The following KIAA1549L variants were observed in gnomAD, a reference collection of about 807,000 sequenced individuals.
KIAA1549L encodes UPF0606 protein KIAA1549L.
A neutral mutation model predicts 160.7 loss-of-function variants in KIAA1549L; 88 were observed. The observed-to-expected ratio is 0.55, with a 90% CI of 0.46 to 0.65. The LOEUF (loss-of-function observed/expected upper bound fraction) is 0.65. Ranked by LOEUF, KIAA1549L falls within the 30% of genes least tolerant of loss-of-function variation. The pLI is 0.00. For synonymous variants in KIAA1549L, 950 were observed against 976.7 expected, an observed-to-expected ratio of 0.97 and a Z score of 0.51; for missense variants, 2,258 against 2,437.5, an observed-to-expected ratio of 0.93 and a Z score of 1.55.
intron 6 of KIAA1549L, among the ~76,000 whole-genome samples, chr11:33,556,841 G>A (rs150546415): frequency 3.9e-5 from 6 of 152,220 alleles, no homozygotes; most frequent in African/African-American, 9.6e-5. Context: ...GCCACTGAAC[G>A]ATACACTTAA....
chr11:33,377,143 A>G (rs1465996935), intron 1 of KIAA1549L, among the ~76,000 whole-genome samples: 1 of 152,174 alleles, frequency 6.6e-6, no homozygotes, highest in African/African-American at 2.4e-5. Context: ...GGCACGCTTT[A>G]TTTAGAGAAA....
intron 1 of KIAA1549L, among the ~76,000 whole-genome samples, chr11:33,483,349 G>A (rs951770900): frequency 3.9e-5 from 6 of 152,174 alleles, no homozygotes; most frequent in Non-Finnish European, 8.8e-5. Flanking sequence ...GCGCCCTTTG[G>A]GAAGGCGAAC....
rs138644774 is a variant in KIAA1549L, at chr11:33,551,315, C to T, written c.3721+56C>T. 2,668 of 1,430,266 alleles carry T rather than the reference C, an allele frequency of 1.9e-3. 8 individuals carry two copies. Among genetic ancestry groups the T allele is most frequent in the Non-Finnish European group, 1.7e-3 (1,775 of 1,028,348 alleles). 88.6% of individuals were successfully genotyped at this position (1,430,266 alleles called of 1,614,324 possible). A position where few individuals can be genotyped will look rare whatever the true frequency, so the allele number is the denominator to read the frequency against. ...CCATTCTTGGGTTCAGGGCCAGTAC[C>T]AAGTGGACACCTGTTTAAAAGCTCC... On this transcript the variant is annotated intron_variant, in intron 5 of 20. Transcript: ENST00000658780.
intron 1 of KIAA1549L, among the ~76,000 whole-genome samples, chr11:33,452,514 A>G (rs1279625558): frequency 2.0e-5 from 3 of 152,194 alleles, no homozygotes; most frequent in African/African-American, 4.8e-5. Context: ...AGGCTGAGCC[A>G]GGAGAATGGC....
chr11:33,424,750 T>C (rs1011669741), intron 1 of KIAA1549L, among the ~76,000 whole-genome samples: 21 of 152,228 alleles, frequency 1.4e-4, no homozygotes, highest in Non-Finnish European at 2.8e-4. Flanking sequence ...ACCAGGAGAA[T>C]GATGATCTTT....
intron 1 of KIAA1549L, among the ~76,000 whole-genome samples, chr11:33,474,802 G>A (rs1852250563): frequency 6.6e-6 from 1 of 152,208 alleles, no homozygotes; most frequent in Non-Finnish European, 1.5e-5. Flanking sequence ...CCTAATTGCT[G>A]CTCAGTTTAT....
intron 1 of KIAA1549L, among the ~76,000 whole-genome samples, chr11:33,433,304 A>G (rs796329126): frequency 6.6e-6 from 1 of 152,264 alleles, no homozygotes; most frequent in South Asian, 2.1e-4. Context: ...GACACGTATC[A>G]AAAGAAGACA....
chr11:33,524,203 A>T (rs971565341), intron 1 of KIAA1549L, among the ~76,000 whole-genome samples: 1 of 152,060 alleles, frequency 6.6e-6, no homozygotes, highest in African/African-American at 2.4e-5. Flanking sequence ...TATCGACATT[A>T]TTCATTTCCT....
intron 13 of KIAA1549L, among the ~76,000 whole-genome samples, chr11:33,606,126 G>C: frequency 7.0e-6 from 1 of 142,324 alleles, no homozygotes; most frequent in South Asian, 2.2e-4. Context: ...CTTCAGAAGA[G>C]GAAAAAAAAA....
chr11:33,435,584 T>C (rs569907012), intron 1 of KIAA1549L, among the ~76,000 whole-genome samples: 1 of 151,300 alleles, frequency 6.6e-6, no homozygotes, highest in South Asian at 2.1e-4. Flanking sequence ...TTATGGTTTT[T>C]CTATAAAAAA....
chr11:33,667,530 C>G (rs1336672102), intron 20 of KIAA1549L, among the ~76,000 whole-genome samples: 1 of 151,990 alleles, frequency 6.6e-6, no homozygotes, highest in Non-Finnish European at 1.5e-5. Flanking sequence ...GTAGCTGGGA[C>G]TACAGGCGCA....
In KIAA1549L at chr11:33,561,747, T is replaced by G; in HGVS notation, c.4078+12T>G. 1.3e-6 allele frequency: 2 copies of G among 1,570,868 alleles called. No individual in the cohort carries two copies. The highest frequency in any genetic ancestry group is 1.8e-6 in the Non-Finnish European group (2 of 1,141,090). ...TTGGGTAATTACAGGTAATCTCTTA[T>G]TTTGTAATTTCCCCTCTTCATGCTG... On this transcript the variant is annotated intron_variant, in intron 8 of 20. Coordinates refer to ENST00000658780, the MANE Select transcript of KIAA1549L (RefSeq NM_012194.3).
intron 1 of KIAA1549L, among the ~76,000 whole-genome samples, chr11:33,404,344 G>A (rs564426999): frequency 1.3e-5 from 2 of 152,234 alleles, no homozygotes; most frequent in Admixed American, 1.3e-4. Flanking sequence ...GGGCAACATG[G>A]TGAAACCTCA....
rs1425233711 is a variant in KIAA1549L at position 33,543,195 on chromosome 11, A to C, written c.1632A>C (p.Ser544=). The C allele has an allele frequency of 1.9e-6, 3 of 1,613,850 alleles. No individual in the cohort carries two copies. The highest frequency in any genetic ancestry group is 2.5e-6 in the Non-Finnish European group (3 of 1,179,894). ...CTGCAACTAGAGACTTGCTCCTCTCAAGCAAAGTTCCTAATCTTCTTTCCA... is the reference window on the plus strand; with the variant it reads ...CTGCAACTAGAGACTTGCTCCTCTCCAGCAAAGTTCCTAATCTTCTTTCCA... ...SPPATRDLLL[S]SKVPNLLSTS... is the part of the protein sequence containing the mutation. Residue 544 remains serine (S), a synonymous_variant, in exon 2 of 21, where the codon TCA becomes TCC. Transcript: ENST00000658780.
At chr11:33,581,368 G>A (rs942631228) in intron 10 of KIAA1549L, among the ~76,000 whole-genome samples, 4 of 151,314 alleles carry the variant, frequency 2.6e-5, no homozygotes, top group African/African-American at 9.8e-5. Flanking sequence ...AGATTATTTG[G>A]ACTGTTTGAC....
chr11:33,543,136 A>C lies in KIAA1549L; in HGVS notation c.1573A>C (p.Thr525Pro). ...ASPSPVPEMP[T>P]LPAEGSDGSP... ...CCCATCTCCTGTGCCAGAAATGCCC[A>C]CTCTTCCAGCAGAGGGCAGTGATGG... is the stretch of plus-strand genomic sequence containing the variant. The change falls in exon 2 of 21, where the codon ACT (threonine) becomes CCT (proline). Residue 525 changes from threonine (T) to proline (P), a missense_variant. By Grantham distance (38) the Thr-to-Pro change is conservative. Coordinates refer to ENST00000658780, the MANE Select transcript of KIAA1549L (RefSeq NM_012194.3). 2 of 1,613,482 alleles carry C rather than the reference A, an allele frequency of 1.2e-6. No homozygotes were observed. Among genetic ancestry groups the C allele is most frequent in the South Asian group, 1.1e-5 (1 of 91,052 alleles).
At chr11:33,439,488 C>T (rs749073394) in intron 1 of KIAA1549L, among the ~76,000 whole-genome samples, 8 of 151,864 alleles carry the variant, frequency 5.3e-5, no homozygotes, top group Admixed American at 2.6e-4. Flanking sequence ...CTGCAAGCTC[C>T]GCCTTCCGGG....
rs1852715149 is a variant in KIAA1549L at position 33,673,281 on chromosome 11, G to C, written c.*5127G>C. 6.6e-6 allele frequency: 1 copy of C among 152,144 alleles called. No individual in the cohort carries two copies. Among genetic ancestry groups the C allele is most frequent in the African/African-American group, 2.4e-5 (1 of 41,446 alleles). The allele number at this position is 152,144 out of a possible 1,614,324, so 9.4% of individuals were successfully genotyped here. A position where few individuals can be genotyped will look rare whatever the true frequency, so the allele number is the denominator to read the frequency against. ...CCATTATAAGTGAAATCTAAAAATT[G>C]ATCGTTTTCATTCTCTGACTTTGGT... On this transcript the variant is annotated 3_prime_UTR_variant, in exon 21 of 21. Coordinates refer to ENST00000658780, the MANE Select transcript of KIAA1549L (RefSeq NM_012194.3).
intron 16 of KIAA1549L, among the ~76,000 whole-genome samples, chr11:33,623,990 C>T (rs980290046): frequency 6.6e-6 from 1 of 152,122 alleles, no homozygotes. Context: ...GACCTCCTAC[C>T]CTCTTGACCT....
Sources: allele counts gnomAD v4.1 joint callset (sites outside exome capture counted in the v4.1 genomes callset), GRCh38; gene constraint gnomAD v4.1.1; transcripts MANE v1.5; gene names NCBI Gene and HGNC (gene_info 2026-07-23, HGNC 2026-07-21).